The following RAB10 variants were observed in gnomAD, a reference collection of about 807,000 sequenced individuals.
The protein encoded by RAB10 is ras-related protein Rab-10.
A neutral mutation model predicts 25.7 loss-of-function variants in RAB10; 5 were observed. The ratio of observed to expected loss-of-function variants is 0.19; its 90% CI spans 0.10 to 0.41. The LOEUF is 0.41. Ranked by LOEUF, RAB10 falls within the 10% of genes least tolerant of loss-of-function variation. The pLI is 1.00. For missense variants in RAB10, 103 were observed against 245.8 expected (o/e 0.42, Z 3.89); for synonymous variants, 89 against 86.4 (o/e 1.03, Z -0.16).
At chr2:26,091,907 C>T (rs1220919745) in intron 1 of RAB10, among the ~76,000 whole-genome samples, 1 of 152,112 alleles carries the variant, frequency 6.6e-6, no homozygotes, top group Non-Finnish European at 1.5e-5. Flanking sequence ...CATGGTGGCT[C>T]ATGCCTGTAA....
chr2:26,064,209 TGAG>T (rs1190989431), intron 1 of RAB10, among the ~76,000 whole-genome samples: 1 of 152,212 alleles, frequency 6.6e-6, no homozygotes, highest in African/African-American at 2.4e-5. Flanking sequence ...TAAATAATAA[TGAG>T]GTCCAAATCC....
At chr2:26,070,376 T>C (rs1292649768) in intron 1 of RAB10, among the ~76,000 whole-genome samples, 2 of 152,226 alleles carry the variant, frequency 1.3e-5, no homozygotes, top group Non-Finnish European at 1.5e-5. Context: ...TTTTCACCTG[T>C]TTTAAAACAT....
chr2:26,050,406 G>A (rs1666105795), intron 1 of RAB10, among the ~76,000 whole-genome samples: 1 of 152,076 alleles, frequency 6.6e-6, no homozygotes, highest in Non-Finnish European at 1.5e-5. Flanking sequence ...ATCTTTGGAA[G>A]ATTTCTAATT....
chr2:26,065,306 A>G (rs1001512691), intron 1 of RAB10, among the ~76,000 whole-genome samples: 1 of 151,764 alleles, frequency 6.6e-6, no homozygotes, highest in Admixed American at 6.6e-5. Flanking sequence ...CTCTAATGCC[A>G]TGTTCCTTGT....
At chr2:26,047,557 C>T (rs1016432552) in intron 1 of RAB10, among the ~76,000 whole-genome samples, 1 of 151,456 alleles carries the variant, frequency 6.6e-6, no homozygotes, top group African/African-American at 2.4e-5. Context: ...GCTGGGATTA[C>T]AGGCACCCAC....
At chr2:26,046,758 C>A (rs1480393998) in intron 1 of RAB10, among the ~76,000 whole-genome samples, 1 of 151,982 alleles carries the variant, frequency 6.6e-6, no homozygotes, top group Non-Finnish European at 1.5e-5. Flanking sequence ...AACAGAGCTT[C>A]CAAGGTTTAA....
intron 1 of RAB10, among the ~76,000 whole-genome samples, chr2:26,044,836 G>C: frequency 6.6e-6 from 1 of 151,798 alleles, no homozygotes; most frequent in Non-Finnish European, 1.5e-5. Context: ...GTAAGCCATT[G>C]CGCCCCGCCA....
chr2:26,085,789 G>T (rs544108598), intron 1 of RAB10, among the ~76,000 whole-genome samples: 2 of 151,934 alleles, frequency 1.3e-5, no homozygotes, highest in Non-Finnish European at 2.9e-5. Flanking sequence ...CTGAGGTCGA[G>T]AGTTCGAGAC....
intron 3 of RAB10, among the ~76,000 whole-genome samples, chr2:26,122,351 G>A (rs940632720): frequency 1.3e-5 from 2 of 152,128 alleles, no homozygotes; most frequent in East Asian, 3.9e-4. Context: ...CTTGTAGGCT[G>A]GGCGCGGTGG....
rs538423066 is a variant in RAB10 at position 26,041,521 on chromosome 2, T to C, written c.127+6786T>C. ...TCGTGCCACTGCACTCAAGCCTGGG[T>C]GACAAGAGTGAGACGCTGACTCAAA... On this transcript the variant is annotated intron_variant, in intron 1 of 5. Transcript: ENST00000264710. Among the ~76,000 whole-genome samples the C allele has an allele frequency of 6.1e-4, 69 of 113,102 alleles. 2 individuals carry two copies. The South Asian group carries it at 0.016, about 26-fold the overall frequency. The allele number at this position is 113,102 out of a possible 152,430, so 74.2% of individuals were successfully genotyped here.
Position 26,071,507 on chromosome 2 carries a change from G to C in RAB10, c.128-27155G>C, listed in dbSNP as rs1345114477. On this transcript the variant is annotated intron_variant, in intron 1 of 5. Coordinates refer to ENST00000264710, the MANE Select transcript of RAB10 (RefSeq NM_016131.5). ...GTTCAAGACCAGCATGGCCAACATGGTGAAACCCCATCTCTACTAAAAATA... is the reference window on the plus strand; with the variant it reads ...GTTCAAGACCAGCATGGCCAACATGCTGAAACCCCATCTCTACTAAAAATA... 2.0e-5 allele frequency among the ~76,000 whole-genome samples: 3 copies of C among 152,146 alleles called. 1 individual carries two copies. Among genetic ancestry groups the C allele is most frequent in the Admixed American group, 2.0e-4 (3 of 15,272 alleles).
At chr2:26,078,889 TTGGAAAATATTTTGACTTGGCCAGG>T in intron 1 of RAB10, among the ~76,000 whole-genome samples, 1 of 152,150 alleles carries the variant, frequency 6.6e-6, no homozygotes, top group African/African-American at 2.4e-5. Context: ...AAAAGAAACT[TTGGAAAATATTTTGACTTGGCCAGG>T]TGTGGTGGCT....
chr2:26,083,181 A>G (rs757427736), intron 1 of RAB10, among the ~76,000 whole-genome samples: 6 of 152,222 alleles, frequency 3.9e-5, no homozygotes, highest in Admixed American at 2.0e-4. Context: ...GTTGTAGATA[A>G]TAAAATAAAG....
At chr2:26,052,105 T>A (rs547429693) in intron 1 of RAB10, among the ~76,000 whole-genome samples, 1 of 149,092 alleles carries the variant, frequency 6.7e-6, no homozygotes, top group East Asian at 2.0e-4. Context: ...CAGCAAGACG[T>A]GGTGACTTAT....
intron 5 of RAB10, among the ~76,000 whole-genome samples, chr2:26,129,331 G>A (rs1349411987): frequency 6.7e-6 from 1 of 150,034 alleles, no homozygotes; most frequent in Non-Finnish European, 1.5e-5. Context: ...AGCAGATGTT[G>A]TATAGGAGAA....
chr2:26,051,716 T>A (rs1666137732), intron 1 of RAB10, among the ~76,000 whole-genome samples: 1 of 149,512 alleles, frequency 6.7e-6, no homozygotes, highest in Admixed American at 6.7e-5. Context: ...ATTGCGCCAC[T>A]GCACTCTAGC....
Position 26,098,611 on chromosome 2 carries a change from T to C in RAB10, c.128-51T>C, listed in dbSNP as rs549823105. The C allele has an allele frequency of 1.6e-4, 222 of 1,351,150 alleles. 2 individuals carry two copies. The South Asian group carries it at 2.6e-3, about 16-fold the overall frequency. 83.7% of individuals were successfully genotyped at this position (1,351,150 alleles called of 1,614,324 possible). ...GTTTTTACTGTGATTAATTTTAGTA[T>C]AGCCAAATGTAAAGCCACAGTTACA... is the stretch of plus-strand genomic sequence containing the variant. On this transcript the variant is annotated intron_variant, in intron 1 of 5. Transcript: ENST00000264710.
intron 3 of RAB10, among the ~76,000 whole-genome samples, chr2:26,122,775 T>C (rs530702125): frequency 7.2e-5 from 11 of 152,308 alleles, no homozygotes; most frequent in African/African-American, 2.4e-4. Context: ...AGAAAGAGGC[T>C]TGGCCTAAAA....
At chr2:26,110,254 C>G (rs1667542384) in intron 3 of RAB10, among the ~76,000 whole-genome samples, 1 of 148,050 alleles carries the variant, frequency 6.8e-6, no homozygotes, top group South Asian at 2.1e-4. Flanking sequence ...AGGAGAATCT[C>G]TTGAACCTGG....
Sources: gnomAD v4.1 joint callset for allele counts (sites outside exome capture counted in the v4.1 genomes callset) on GRCh38, gnomAD v4.1.1 for gene constraint, MANE v1.5 for transcripts, NCBI Gene and HGNC (gene_info 2026-07-23, HGNC 2026-07-21) for gene names.